Variants in ARHGAP15 observed in about 807,000 individuals in gnomAD.
The protein encoded by ARHGAP15 is Rho GTPase activating protein 15, also known as rho GTPase-activating protein 15.
Under a neutral mutation model 63.7 loss-of-function variants are expected in ARHGAP15, and 51 were observed. That is an observed-to-expected ratio of 0.80 (90% CI 0.64 to 1.01). ARHGAP15 has a LOEUF of 1.01. ARHGAP15 is among the 50% of genes least tolerant of loss of function. The pLI is 0.00. For missense variants in ARHGAP15, 560 were observed against 564.6 expected (o/e 0.99, Z 0.08); for synonymous variants, 191 against 193.8 (o/e 0.99, Z 0.12).
At chr2:143,442,511 A>T (rs776846766) in intron 8 of ARHGAP15, among the ~76,000 whole-genome samples, 12 of 152,132 alleles carry the variant, frequency 7.9e-5, no homozygotes, top group Non-Finnish European at 1.3e-4. Context: ...GAGCCCTGAA[A>T]GTCCCCAGTA....
chr2:143,287,699 A>T (rs560219654), intron 6 of ARHGAP15, among the ~76,000 whole-genome samples: 14 of 152,086 alleles, frequency 9.2e-5, no homozygotes, highest in Non-Finnish European at 1.8e-4. Context: ...GCTACTCGGG[A>T]GGGTGAGGCA....
intron 11 of ARHGAP15, among the ~76,000 whole-genome samples, chr2:143,611,454 G>A (rs946904620): frequency 6.6e-5 from 10 of 152,242 alleles, no homozygotes; most frequent in Middle Eastern, 3.4e-3. Context: ...TATAAAATCC[G>A]TGAATACTAC....
intron 10 of ARHGAP15, among the ~76,000 whole-genome samples, chr2:143,541,071 C>T (rs937517037): frequency 3.9e-5 from 6 of 152,212 alleles, no homozygotes; most frequent in African/African-American, 1.4e-4. Flanking sequence ...AGGCTTTGTT[C>T]GTTTCTTTTT....
intron 11 of ARHGAP15, among the ~76,000 whole-genome samples, chr2:143,590,945 C>G (rs1453977208): frequency 6.6e-5 from 10 of 150,946 alleles, no homozygotes; most frequent in Admixed American, 6.6e-4. Flanking sequence ...TATCTTTGCT[C>G]TCTCTCTCTC....
At chr2:143,416,618 C>G (rs929801848) in intron 6 of ARHGAP15, among the ~76,000 whole-genome samples, 1 of 152,046 alleles carries the variant, frequency 6.6e-6, no homozygotes, top group African/African-American at 2.4e-5. Context: ...GTTGGTAAGC[C>G]CTTTCTTTTG....
chr2:143,654,906 T>C (rs1321657706), intron 12 of ARHGAP15, among the ~76,000 whole-genome samples: 1 of 152,110 alleles, frequency 6.6e-6, no homozygotes, highest in Non-Finnish European at 1.5e-5. Flanking sequence ...AAGATTAGCC[T>C]AGGCAACAAA....
At chr2:143,559,816 A>G (rs1695951662) in intron 11 of ARHGAP15, among the ~76,000 whole-genome samples, 1 of 152,256 alleles carries the variant, frequency 6.6e-6, no homozygotes, top group African/African-American at 2.4e-5. Flanking sequence ...TTCCATGAAA[A>G]GCATAAAGTG....
In ARHGAP15 at chr2:143,228,605, TG is replaced by T; in HGVS notation, c.322del (p.Val108PhefsTer21). ...LRKNWSTSWI[V>X]LSSRRIEFYK... ...GGAAAAACTGGTCTACTTCCTGGAT[TG>T]TTCTTTCTAGTCGAAGAATTGAATT... On this transcript the variant is annotated frameshift_variant, in exon 5 of 14. Transcript: ENST00000295095. LOFTEE classifies it high-confidence loss of function. The T allele has an allele frequency of 6.2e-7, 1 of 1,609,630 alleles. No individual in the cohort carries two copies. Among genetic ancestry groups the T allele is most frequent in the Non-Finnish European group, 8.5e-7 (1 of 1,178,002 alleles).
At chr2:143,167,525 G>A (rs991627372) in intron 2 of ARHGAP15, among the ~76,000 whole-genome samples, 1 of 151,998 alleles carries the variant, frequency 6.6e-6, no homozygotes, top group Non-Finnish European at 1.5e-5. Context: ...CTTTTTGACT[G>A]TTAACCTGAG....
chr2:143,206,696 G>T (rs564302465), intron 3 of ARHGAP15, among the ~76,000 whole-genome samples: 1 of 151,964 alleles, frequency 6.6e-6, no homozygotes, highest in Non-Finnish European at 1.5e-5. Flanking sequence ...TTAAAACTTC[G>T]TATAAAGGCT....
intron 6 of ARHGAP15, among the ~76,000 whole-genome samples, chr2:143,323,122 T>G (rs1356142394): frequency 6.6e-6 from 1 of 152,224 alleles, no homozygotes; most frequent in African/African-American, 2.4e-5. Flanking sequence ...TTGCATAAAT[T>G]GTTTTTATTT....
intron 6 of ARHGAP15, among the ~76,000 whole-genome samples, chr2:143,389,309 C>T (rs765508156): frequency 1.1e-4 from 17 of 152,048 alleles, no homozygotes; most frequent in Non-Finnish European, 2.2e-4. Context: ...ATACTTGACT[C>T]TCCAGGTGAC....
intron 12 of ARHGAP15, among the ~76,000 whole-genome samples, chr2:143,657,812 T>C (rs1465640940): frequency 6.6e-6 from 1 of 152,236 alleles, no homozygotes; most frequent in East Asian, 1.9e-4. Flanking sequence ...TTTGTTGATT[T>C]GTCATTGATT....
intron 6 of ARHGAP15, among the ~76,000 whole-genome samples, chr2:143,326,246 T>C (rs1385209057): frequency 6.6e-6 from 1 of 152,216 alleles, no homozygotes; most frequent in Admixed American, 6.5e-5. Flanking sequence ...TATGTTGTTA[T>C]ATATTCTTTC....
At chr2:143,569,509 G>A (rs114912817) in intron 11 of ARHGAP15, among the ~76,000 whole-genome samples, 1 of 152,096 alleles carries the variant, frequency 6.6e-6, no homozygotes, top group Admixed American at 6.5e-5. Context: ...GGAGAGATGT[G>A]GGGGGAGTGC....
chr2:143,584,049 T>C (rs977927990), intron 11 of ARHGAP15, among the ~76,000 whole-genome samples: 4 of 152,206 alleles, frequency 2.6e-5, no homozygotes, highest in African/African-American at 7.2e-5. Context: ...AATGAGAAAA[T>C]GCCACCCAAG....
chr2:143,267,207 C>T (rs1228390104), intron 6 of ARHGAP15, among the ~76,000 whole-genome samples: 1 of 152,186 alleles, frequency 6.6e-6, no homozygotes. Context: ...AGATCACCTG[C>T]TCAATCTAAA....
chr2:143,323,197 C>T (rs993155978), intron 6 of ARHGAP15, among the ~76,000 whole-genome samples: 1 of 152,156 alleles, frequency 6.6e-6, no homozygotes, highest in Non-Finnish European at 1.5e-5. Context: ...AGAAGGAACA[C>T]GTACAGGTTT....
At chr2:143,142,848 G>A (rs1689427424) in intron 1 of ARHGAP15, among the ~76,000 whole-genome samples, 1 of 152,052 alleles carries the variant, frequency 6.6e-6, no homozygotes, top group African/African-American at 2.4e-5. Flanking sequence ...TAGATTCTCT[G>A]TCTCAGACGT....
Sources: allele counts gnomAD v4.1 joint callset (sites outside exome capture counted in the v4.1 genomes callset), GRCh38; gene constraint gnomAD v4.1.1; transcripts MANE v1.5; gene names NCBI Gene and HGNC (gene_info 2026-07-23, HGNC 2026-07-21).